Variants in MYO16 observed in about 807,000 individuals in gnomAD.
The protein encoded by MYO16 is myosin XVI, also known as unconventional myosin-XVI.
MYO16 carries 94 observed loss-of-function variants against 205.3 expected under a neutral mutation model. The observed-to-expected ratio is 0.46, with a 90% CI of 0.39 to 0.54. The LOEUF is 0.54. Ranked by LOEUF, MYO16 falls within the 20% of genes least tolerant of loss-of-function variation. MYO16 has a pLI of 0.00. For synonymous variants in MYO16, 988 were observed against 954.0 expected (o/e 1.04, Z -0.66); for missense variants, 2,315 against 2,387.5 (o/e 0.97, Z 0.63).
intron 14 of MYO16, among the ~76,000 whole-genome samples, chr13:108,894,550 TG>T (rs1397980563): frequency 6.6e-6 from 1 of 152,132 alleles, no homozygotes; most frequent in Non-Finnish European, 1.5e-5. Context: ...AAGATTCAGT[TG>T]GTAACATCTA....
chr13:109,106,793 C>A (rs1001764620), intron 28 of MYO16, among the ~76,000 whole-genome samples: 1 of 152,144 alleles, frequency 6.6e-6, no homozygotes, highest in Non-Finnish European at 1.5e-5. Context: ...CCCAGTGGTA[C>A]TTTTCACTGA....
rs2138923423 is a variant in MYO16, at chr13:108,785,666, A to G, written c.539A>G (p.Asn180Ser). 1.2e-6 allele frequency: 2 copies of G among 1,613,048 alleles called. No homozygotes were observed. The highest frequency in any genetic ancestry group is 3.3e-5 in the Admixed American group (2 of 59,870). Reference sequence around the variant, plus strand: ...GCCAATGTCCTTCTCCAGGATGTGAATGGAAATATCCCATTAGATTATGCT... The same window carrying G: ...GCCAATGTCCTTCTCCAGGATGTGAGTGGAAATATCCCATTAGATTATGCT... ...AGANVLLQDV[N>S]GNIPLDYAVE... Residue 180 changes from asparagine (N) to serine (S), a missense_variant, in exon 5 of 35, where the codon AAT (asparagine) becomes AGT (serine). Transcript: ENST00000457511.
chr13:108,768,781 C>T (rs979267536), intron 4 of MYO16, among the ~76,000 whole-genome samples: 2 of 152,072 alleles, frequency 1.3e-5, no homozygotes, highest in African/African-American at 4.8e-5. Context: ...TGTCTGAACA[C>T]TCAGCCATTC....
upstream of MYO16, among the ~76,000 whole-genome samples, chr13:108,595,138 G>A (rs760322279): frequency 7.9e-5 from 12 of 152,182 alleles, no homozygotes; most frequent in Non-Finnish European, 1.8e-4. Context: ...CTTCTGTGGT[G>A]AGTACATGGC....
intron 16 of MYO16, among the ~76,000 whole-genome samples, chr13:108,929,103 T>C (rs947741459): frequency 6.6e-6 from 1 of 152,206 alleles, no homozygotes; most frequent in African/African-American, 2.4e-5. Flanking sequence ...TAAAATTAAC[T>C]GTAAATGAAA....
At chr13:109,192,173 CTCTGTT>C (rs1182487762) in intron 34 of MYO16, among the ~76,000 whole-genome samples, 2 of 152,226 alleles carry the variant, frequency 1.3e-5, no homozygotes, top group East Asian at 3.9e-4. Context: ...GTATTTCTGA[CTCTGTT>C]TCTAAAACAG....
rs550026156 is a variant in MYO16, at chr13:108,744,887, T to C, written c.507+17304T>C. 2.6e-5 allele frequency among the ~76,000 whole-genome samples: 4 copies of C among 152,336 alleles called. No homozygotes were observed. The South Asian group carries it at 8.3e-4, about 32-fold the overall frequency. On this transcript the variant is annotated intron_variant, in intron 4 of 34. Transcript: ENST00000457511. ...TTTGATTTTATAAATCAGCTACTAC[T>C]TAAACCTTACCATCACTAGAATCTA...
At chr13:109,096,549 T>C (rs996501035) in intron 27 of MYO16, among the ~76,000 whole-genome samples, 1 of 152,174 alleles carries the variant, frequency 6.6e-6, no homozygotes, top group African/African-American at 2.4e-5. Flanking sequence ...CAAAAGACGA[T>C]TGTCATCCAG....
At chr13:108,562,503 A>G in the MYO16 span, among the ~76,000 whole-genome samples, 1 of 152,152 alleles carries the variant, frequency 6.6e-6, no homozygotes, top group Non-Finnish European at 1.5e-5. Flanking sequence ...TGCAGGTTTT[A>G]AGGATGGCAT....
chr13:108,847,821 C>T (rs368822207), intron 10 of MYO16, among the ~76,000 whole-genome samples: 225 of 152,234 alleles, frequency 1.5e-3, no homozygotes, highest in African/African-American at 5.2e-3. Flanking sequence ...CTTTCCCATC[C>T]CATCCCTCCC....
Position 108,802,978 on chromosome 13 carries a change from G to A in MYO16, c.742-3701G>A, listed in dbSNP as rs564988401. Among the ~76,000 whole-genome samples the A allele has an allele frequency of 5.3e-5, 8 of 152,232 alleles. No homozygotes were observed. In the East Asian group the frequency reaches 5.8e-4, roughly 11 times the overall value. On this transcript the variant is annotated intron_variant, in intron 6 of 34. Coordinates refer to ENST00000457511, the MANE Select transcript of MYO16 (RefSeq NM_001198950.3). The stretch of plus-strand genomic sequence containing the variant: ...CTACTTTTATCAAGGGAGTGGCATC[G>A]TTAAATAGAAATAAATGACCAGAAT...
chr13:108,751,885 A>G (rs974631611), intron 4 of MYO16, among the ~76,000 whole-genome samples: 1 of 152,058 alleles, frequency 6.6e-6, no homozygotes, highest in African/African-American at 2.4e-5. Flanking sequence ...AGAAACTGTC[A>G]CAGCCTAAAG....
At chr13:108,927,847 C>T (rs536727926) in intron 16 of MYO16, among the ~76,000 whole-genome samples, 4 of 152,192 alleles carry the variant, frequency 2.6e-5, no homozygotes, top group African/African-American at 9.6e-5. Flanking sequence ...ATCTGCACTC[C>T]GGAGTGCCCG....
intron 22 of MYO16, among the ~76,000 whole-genome samples, chr13:109,018,554 G>T (rs1885909987): frequency 6.6e-6 from 1 of 152,182 alleles, no homozygotes; most frequent in South Asian, 2.1e-4. Context: ...GTCTGCAGAA[G>T]TTTCTGCCGC....
intron 4 of MYO16, among the ~76,000 whole-genome samples, chr13:108,738,161 C>G (rs1484637875): frequency 7.5e-6 from 1 of 133,962 alleles, no homozygotes; most frequent in Non-Finnish European, 1.6e-5. Flanking sequence ...TCTTAGTTAT[C>G]TCTTGCGTTC....
intron 22 of MYO16, among the ~76,000 whole-genome samples, chr13:109,018,974 G>GTT (rs1555324514): frequency 0.014 from 1,809 of 131,602 alleles, 44 homozygotes; most frequent in African/African-American, 0.049. Context: ...TTTTTTTTTT[G>GTT]TTTTTTTTTT....
At chr13:108,856,639 A>ATT (rs34469246) in intron 11 of MYO16, among the ~76,000 whole-genome samples, 5 of 151,310 alleles carry the variant, frequency 3.3e-5, no homozygotes, top group East Asian at 1.9e-4. Context: ...TATTGTGTTG[A>ATT]TTTTTTTTGT....
chr13:108,917,465 A>T (rs191077008), intron 16 of MYO16, among the ~76,000 whole-genome samples: 1 of 152,256 alleles, frequency 6.6e-6, no homozygotes, highest in East Asian at 1.9e-4. Context: ...TGCAAGTGTC[A>T]GTAAGTCTGG....
chr13:108,702,943 T>A (rs1250751604), intron 2 of MYO16, among the ~76,000 whole-genome samples: 1 of 151,910 alleles, frequency 6.6e-6, no homozygotes, highest in East Asian at 1.9e-4. Flanking sequence ...TATATGAAAA[T>A]AAATGCTTGA....
Sources: allele counts gnomAD v4.1 joint callset (sites outside exome capture counted in the v4.1 genomes callset), GRCh38; gene constraint gnomAD v4.1.1; transcripts MANE v1.5; gene names NCBI Gene and HGNC (gene_info 2026-07-23, HGNC 2026-07-21).